The following VIPR2 variants were observed in gnomAD, a reference collection of about 807,000 sequenced individuals.
VIPR2 encodes vasoactive intestinal polypeptide receptor 2.
Under a neutral mutation model 58.0 loss-of-function variants are expected in VIPR2, and 48 were observed. The ratio of observed to expected loss-of-function variants is 0.83; its 90% CI spans 0.66 to 1.05. The LOEUF (loss-of-function observed/expected upper bound fraction) is 1.05, where lower values mean the gene tolerates loss of function less well. Ranked by LOEUF, VIPR2 falls within the 50% of genes least tolerant of loss-of-function variation. VIPR2 has a pLI of 0.00. For missense variants in VIPR2, 534 were observed against 558.0 expected (o/e 0.96, Z 0.43); for synonymous variants, 243 against 235.2 (o/e 1.03, Z -0.30).
rs1563252812 is a variant in VIPR2 at position 159,032,073 on chromosome 7, C to G, written c.972-6G>C. 1.2e-6 allele frequency: 2 copies of G among 1,613,902 alleles called. No individual in the cohort carries two copies. Among genetic ancestry groups the G allele is most frequent in the Non-Finnish European group, 1.7e-6 (2 of 1,180,004 alleles). On this transcript the variant is annotated splice_region_variant and splice_polypyrimidine_tract_variant and intron_variant, in intron 10 of 12. Coordinates refer to ENST00000262178, the MANE Select transcript of VIPR2 (RefSeq NM_003382.5). ...GCGTGGACTTGGCCAGCCTCCTGCA[C>G]AGAAGGAGATGAGCCAGCTCAGCTG...
chr7:159,103,080 G>A (rs575602851), intron 4 of VIPR2, among the ~76,000 whole-genome samples: 35 of 152,344 alleles, frequency 2.3e-4, no homozygotes, highest in African/African-American at 8.2e-4. Flanking sequence ...GGATGGACCA[G>A]AGCAGAGCTT....
intron 5 of VIPR2, among the ~76,000 whole-genome samples, chr7:159,057,929 C>T (rs534059279): frequency 2.6e-5 from 4 of 152,346 alleles, no homozygotes; most frequent in South Asian, 2.1e-4. Flanking sequence ...CACAACCTCA[C>T]GTGCCATGCT....
rs920424876 is a variant in VIPR2, at chr7:159,144,323, G to A, written c.51+398C>T. 7.9e-6 allele frequency: 12 copies of A among 1,522,620 alleles called. No individual in the cohort carries two copies. In the African/African-American group the frequency reaches 8.4e-5, roughly 11 times the overall value. 94.3% of individuals were successfully genotyped at this position (1,522,620 alleles called of 1,614,324 possible). ...CAGTAAGTACAGGGAGGGACCGAGAGGCATCTGCGGCCAACGCCAACCCCG... is the reference window on the plus strand; with the variant it reads ...CAGTAAGTACAGGGAGGGACCGAGAAGCATCTGCGGCCAACGCCAACCCCG... On this transcript the variant is annotated intron_variant, in intron 1 of 12. Transcript: ENST00000262178.
In VIPR2 at chr7:159,036,907, A is replaced by G; in HGVS notation, c.598-5T>C. On this transcript the variant is annotated splice_region_variant and splice_polypyrimidine_tract_variant and intron_variant, in intron 6 of 12. Transcript: ENST00000262178. The stretch of plus-strand genomic sequence containing the variant: ...CAGGCTCAGCTTGCAGCCCACCTGG[A>G]AACCGCAAACAGAGGAGAGGAAAGC... The G allele has an allele frequency of 1.2e-6, 2 of 1,610,358 alleles. No homozygotes were observed. Among genetic ancestry groups the G allele is most frequent in the Non-Finnish European group, 1.7e-6 (2 of 1,177,364 alleles).
At chr7:159,051,694 C>T (rs746876290) in intron 5 of VIPR2, among the ~76,000 whole-genome samples, 5 of 151,992 alleles carry the variant, frequency 3.3e-5, no homozygotes, top group South Asian at 2.1e-4. Context: ...CACAGAAAAC[C>T]GTATACCTTG....
At chr7:159,035,627 A>T (rs1480020932) in intron 8 of VIPR2, 20 of 954,162 alleles carry the variant, frequency 2.1e-5, no homozygotes, top group Non-Finnish European at 2.2e-5. Context: ...CTCCGGGTAA[A>T]CAACATGCAG....
At position 159,142,427 on chromosome 7, in the gene VIPR2, C is replaced by T; in HGVS notation, c.151+19G>A. The T allele has an allele frequency of 6.2e-7, 1 of 1,604,158 alleles. No individual in the cohort carries two copies. The highest frequency in any genetic ancestry group is 8.5e-7 in the Non-Finnish European group (1 of 1,171,562). ...TGAGAATGTCACGGGAGTTCTTACT[C>T]ACCAAGCCTCTGCCTTACCTTTGTG... On this transcript the variant is annotated intron_variant, in intron 2 of 12. Transcript: ENST00000262178.
At chr7:159,087,254 A>G (rs1424859533) in intron 4 of VIPR2, among the ~76,000 whole-genome samples, 2 of 141,868 alleles carry the variant, frequency 1.4e-5, no homozygotes, top group Non-Finnish European at 3.1e-5. Flanking sequence ...CCCAACAAAC[A>G]ATAACCACAC....
chr7:159,071,861 G>A (rs916101949), intron 4 of VIPR2, among the ~76,000 whole-genome samples: 69 of 146,532 alleles, frequency 4.7e-4, no homozygotes, highest in African/African-American at 1.6e-3. Flanking sequence ...TCTCTAGGCT[G>A]GGAACCCTGC....
intron 5 of VIPR2, among the ~76,000 whole-genome samples, chr7:159,046,957 G>A (rs948866062): frequency 3.3e-5 from 5 of 152,170 alleles, no homozygotes; most frequent in East Asian, 1.9e-4. Context: ...ATCCTGGGCC[G>A]GGCGCGGTGG....
rs573942804 is a variant in VIPR2, at chr7:159,051,488, C to A, written c.455+6993G>T. On this transcript the variant is annotated intron_variant, in intron 5 of 12. Coordinates refer to ENST00000262178, the MANE Select transcript of VIPR2 (RefSeq NM_003382.5). ...GAAACAAGAATATGTGCAAAACCAA[C>A]AAAGAACAGTTGAGACAATTAGAAA... 5.9e-5 allele frequency among the ~76,000 whole-genome samples: 9 copies of A among 152,108 alleles called. No homozygotes were observed. The South Asian group carries it at 1.9e-3, about 32-fold the overall frequency.
Position 159,051,840 on chromosome 7 carries a change from A to G in VIPR2, c.455+6641T>C, listed in dbSNP as rs541281536. Reference sequence around the variant, plus strand: ...CATAGCCTTAAAATATAGATGGTAAACAGTGAAAGAATTAAAAGGACAAAT... The same window carrying G: ...CATAGCCTTAAAATATAGATGGTAAGCAGTGAAAGAATTAAAAGGACAAAT... On this transcript the variant is annotated intron_variant, in intron 5 of 12. Coordinates refer to ENST00000262178, the MANE Select transcript of VIPR2 (RefSeq NM_003382.5). Among the ~76,000 whole-genome samples the G allele has an allele frequency of 1.4e-3, 210 of 152,318 alleles. 2 individuals carry two copies. The highest frequency in any genetic ancestry group is 4.9e-3 in the African/African-American group (204 of 41,572).
At position 159,130,611 on chromosome 7, in the gene VIPR2, A is replaced by AC. The variant is rs543015947; in HGVS notation, c.151+11834dup. Among the ~76,000 whole-genome samples, 22 of 151,636 alleles carry AC rather than the reference A, an allele frequency of 1.5e-4. 1 individual carries two copies. The South Asian group carries it at 2.3e-3, about 16-fold the overall frequency. ...TCAGCAGCAAGCACTACTGCCTAGC[A>AC]CCCCCCAATCCCCAAACTACCTTTG... On this transcript the variant is annotated intron_variant, in intron 2 of 12. Coordinates refer to ENST00000262178, the MANE Select transcript of VIPR2 (RefSeq NM_003382.5).
chr7:159,085,916 T>C (rs1857145038), intron 4 of VIPR2, among the ~76,000 whole-genome samples: 2 of 152,138 alleles, frequency 1.3e-5, no homozygotes, highest in South Asian at 4.1e-4. Context: ...CGCGCGATGC[T>C]GTGATGGCGG....
chr7:159,090,460 C>G (rs1446436086), intron 4 of VIPR2, among the ~76,000 whole-genome samples: 1 of 71,874 alleles, frequency 1.4e-5, no homozygotes, highest in Non-Finnish European at 2.5e-5. Context: ...TCCCCGGTGA[C>G]CTCAGCACAG....
At chr7:159,039,543 T>A (rs1330069145) in intron 6 of VIPR2, among the ~76,000 whole-genome samples, 1 of 152,170 alleles carries the variant, frequency 6.6e-6, no homozygotes, top group Non-Finnish European at 1.5e-5. Context: ...TGGAGGCTTC[T>A]TTATGCTGCC....
At chr7:159,062,172 G>A (rs999143337) in intron 4 of VIPR2, among the ~76,000 whole-genome samples, 4 of 152,160 alleles carry the variant, frequency 2.6e-5, no homozygotes, top group Admixed American at 6.5e-5. Flanking sequence ...CGACGGAGAC[G>A]GGAGAAAAAC....
At chr7:159,092,741 C>T (rs2129495395) in intron 4 of VIPR2, among the ~76,000 whole-genome samples, 2 of 151,334 alleles carry the variant, frequency 1.3e-5, no homozygotes, top group East Asian at 3.9e-4. Flanking sequence ...AGCTCCGCCT[C>T]CCGGGTTCGG....
At position 159,144,852 on chromosome 7, in the gene VIPR2, G is replaced by C; in HGVS notation, c.-81C>G. The C allele has an allele frequency of 1.7e-6, 2 of 1,201,546 alleles. No homozygotes were observed. Among genetic ancestry groups the C allele is most frequent in the Non-Finnish European group, 2.1e-6 (2 of 962,002 alleles). The allele number at this position is 1,201,546 out of a possible 1,614,324, so 74.4% of individuals were successfully genotyped here. A position where few individuals can be genotyped will look rare whatever the true frequency, so the allele number is the denominator to read the frequency against. Reference sequence around the variant, plus strand: ...CCGCGGTTCCGCCGCCTCCAGCATGGGCCGGGAGCGAGTGCGCGGAGACCT... The same window carrying C: ...CCGCGGTTCCGCCGCCTCCAGCATGCGCCGGGAGCGAGTGCGCGGAGACCT... On this transcript the variant is annotated 5_prime_UTR_variant, in exon 1 of 13. Coordinates refer to ENST00000262178, the MANE Select transcript of VIPR2 (RefSeq NM_003382.5).
Sources: allele counts gnomAD v4.1 joint callset (sites outside exome capture counted in the v4.1 genomes callset), GRCh38; gene constraint gnomAD v4.1.1; transcripts MANE v1.5; gene names NCBI Gene and HGNC (gene_info 2026-07-23, HGNC 2026-07-21).